Variants in FGF12 observed in about 807,000 individuals in gnomAD.
FGF12 encodes the protein fibroblast growth factor 12B.
FGF12 carries 14 observed loss-of-function variants against 23.6 expected under a neutral mutation model. The ratio of observed to expected loss-of-function variants is 0.59; its 90% CI spans 0.39 to 0.93. The LOEUF is 0.93. Ranked by LOEUF, FGF12 falls within the 40% of genes least tolerant of loss-of-function variation. The pLI is 0.00. For synonymous variants in FGF12, 62 were observed against 77.3 expected, an observed-to-expected ratio of 0.80 and a Z score of 1.04; for missense variants, 175 against 217.8, an observed-to-expected ratio of 0.80 and a Z score of 1.24.
intron 4 of FGF12, among the ~76,000 whole-genome samples, chr3:192,216,791 G>T (rs541824163): frequency 6.6e-6 from 1 of 152,278 alleles, no homozygotes; most frequent in South Asian, 2.1e-4. Flanking sequence ...CCAGAGAAAT[G>T]CAATATCTGT....
At chr3:192,295,753 A>G (rs1221355072) in intron 4 of FGF12, among the ~76,000 whole-genome samples, 1 of 152,224 alleles carries the variant, frequency 6.6e-6, no homozygotes, top group African/African-American at 2.4e-5. Flanking sequence ...CTTCCCTGAA[A>G]TATCTGTCAA....
At chr3:192,345,192 G>A (rs1384686603) in intron 3 of FGF12, among the ~76,000 whole-genome samples, 1 of 152,190 alleles carries the variant, frequency 6.6e-6, no homozygotes, top group East Asian at 1.9e-4. Flanking sequence ...AGAAAGGACA[G>A]AGATGGTACC....
chr3:192,598,769 G>A (rs35393595), intron 2 of FGF12, among the ~76,000 whole-genome samples: 23,020 of 152,064 alleles, frequency 0.15, 1,784 homozygotes, highest in Middle Eastern at 0.19. Context: ...TTAAGCAACC[G>A]TATTTCAAAT....
chr3:192,439,932 C>T (rs773276924), intron 2 of FGF12, among the ~76,000 whole-genome samples: 15 of 149,278 alleles, frequency 1.0e-4, no homozygotes, highest in Middle Eastern at 3.4e-3. Flanking sequence ...GCTGAGATCG[C>T]GCCACTGCAT....
chr3:192,285,425 G>A (rs1440508247), intron 4 of FGF12, among the ~76,000 whole-genome samples: 1 of 151,836 alleles, frequency 6.6e-6, no homozygotes. Context: ...GACTTATGAA[G>A]AATATCAGCT....
intron 5 of FGF12, among the ~76,000 whole-genome samples, chr3:192,158,035 T>C (rs1714525011): frequency 6.6e-6 from 1 of 152,206 alleles, no homozygotes; most frequent in Admixed American, 6.5e-5. Context: ...AGACTAACCC[T>C]GGTGCCCCTG....
chr3:192,174,188 A>G (rs945786872), intron 4 of FGF12, among the ~76,000 whole-genome samples: 4 of 152,232 alleles, frequency 2.6e-5, no homozygotes, highest in Admixed American at 2.6e-4. Flanking sequence ...CAACACTCTC[A>G]TTTAATAAAT....
intron 2 of FGF12, among the ~76,000 whole-genome samples, chr3:192,724,328 C>T (rs939640623): frequency 6.6e-6 from 1 of 152,098 alleles, no homozygotes; most frequent in Non-Finnish European, 1.5e-5. Flanking sequence ...CAGTGGTTTC[C>T]AAACACTGCT....
intron 2 of FGF12, among the ~76,000 whole-genome samples, chr3:192,407,701 G>T (rs1299230679): frequency 9.8e-6 from 1 of 101,796 alleles, no homozygotes; most frequent in African/African-American, 4.3e-5. Flanking sequence ...GGGAGAGAGA[G>T]AGAAGAGATG....
chr3:192,600,404 A>AT (rs1181573448), intron 2 of FGF12, among the ~76,000 whole-genome samples: 2 of 152,036 alleles, frequency 1.3e-5, no homozygotes, highest in African/African-American at 4.8e-5. Flanking sequence ...AAATTTTATG[A>AT]TTAAAAAAAA....
chr3:192,155,974 A>T (rs1390513698), intron 5 of FGF12, among the ~76,000 whole-genome samples: 1 of 152,152 alleles, frequency 6.6e-6, no homozygotes, highest in Non-Finnish European at 1.5e-5. Context: ...TTCAAGAGGG[A>T]CTTTTTCCAT....
At chr3:192,373,809 T>C (rs958890426) in intron 2 of FGF12, among the ~76,000 whole-genome samples, 1 of 152,126 alleles carries the variant, frequency 6.6e-6, no homozygotes, top group Non-Finnish European at 1.5e-5. Flanking sequence ...TCAGACAAAG[T>C]GCCAGGACAA....
chr3:192,177,153 A>C (rs1577206305), intron 4 of FGF12, among the ~76,000 whole-genome samples: 1 of 152,306 alleles, frequency 6.6e-6, no homozygotes, highest in East Asian at 1.9e-4. Context: ...TCATTCACTG[A>C]CAATTTTCTC....
intron 4 of FGF12, among the ~76,000 whole-genome samples, chr3:192,181,754 C>A (rs1716192293): frequency 6.6e-6 from 1 of 151,788 alleles, no homozygotes; most frequent in Non-Finnish European, 1.5e-5. Context: ...CCTCAGCCTC[C>A]CAAGTAGCTG....
At chr3:192,662,611 T>C (rs1577106662) in intron 2 of FGF12, among the ~76,000 whole-genome samples, 3 of 152,244 alleles carry the variant, frequency 2.0e-5, no homozygotes, top group Admixed American at 2.0e-4. Context: ...CCAAACTCTG[T>C]CTCCAGTTTT....
chr3:192,504,803 T>C (rs970814953), intron 2 of FGF12, among the ~76,000 whole-genome samples: 1 of 152,086 alleles, frequency 6.6e-6, no homozygotes, highest in Non-Finnish European at 1.5e-5. Flanking sequence ...CTCTGGTGAG[T>C]TCGACGTGTC....
Position 192,378,026 on chromosome 3 carries a change from T to TTTCTCTCTCTTTCTTTC in FGF12, c.14-17489_14-17488insGAAAGAAAGAGAGAGAA, listed in dbSNP as rs1553804997. Among the ~76,000 whole-genome samples the TTTCTCTCTCTTTCTTTC allele has an allele frequency of 3.9e-4, 27 of 69,440 alleles. 2 individuals are homozygous for TTTCTCTCTCTTTCTTTC. The highest frequency in any genetic ancestry group is 7.6e-4 in the East Asian group (2 of 2,642). 45.6% of individuals were successfully genotyped at this position (69,440 alleles called of 152,430 possible). On this transcript the variant is annotated intron_variant, in intron 2 of 5. Transcript: ENST00000445105. ...GAGATCCCTTTCTTCTGACTCTTTC[T>TTTCTCTCTCTTTCTTTC]TTTCTTTCTTTCTTTCTTTCTTTCT...
intron 2 of FGF12, among the ~76,000 whole-genome samples, chr3:192,662,234 T>C (rs1395793674): frequency 6.6e-6 from 1 of 152,230 alleles, no homozygotes; most frequent in Non-Finnish European, 1.5e-5. Context: ...ATATCTCAAA[T>C]GATATGTTAT....
At chr3:192,638,295 A>G (rs1474915475) in intron 2 of FGF12, among the ~76,000 whole-genome samples, 1 of 152,126 alleles carries the variant, frequency 6.6e-6, no homozygotes, top group African/African-American at 2.4e-5. Flanking sequence ...CTTAGTGACA[A>G]AAAAATTATA....
Sources: gnomAD v4.1 joint callset for allele counts (sites outside exome capture counted in the v4.1 genomes callset) on GRCh38, gnomAD v4.1.1 for gene constraint, MANE v1.5 for transcripts, NCBI Gene and HGNC (gene_info 2026-07-23, HGNC 2026-07-21) for gene names.